Variants in MNAT1 observed in about 807,000 individuals in gnomAD.
MNAT1 encodes MNAT1 component of CDK activating kinase.
In MNAT1, 43 loss-of-function variants were observed where a neutral mutation model predicts 42.0. The observed-to-expected ratio is 1.02, with a 90% CI of 0.80 to 1.32. The LOEUF is 1.32. MNAT1 is among the 40% of genes most tolerant of loss of function. MNAT1 has a pLI of 0.00. For synonymous variants in MNAT1, 118 were observed against 120.0 expected, an observed-to-expected ratio of 0.98 and a Z score of 0.11; for missense variants, 306 against 350.4, an observed-to-expected ratio of 0.87 and a Z score of 1.01.
intron 7 of MNAT1, among the ~76,000 whole-genome samples, chr14:60,891,155 A>T (rs2034835056): frequency 6.6e-6 from 1 of 152,072 alleles, no homozygotes; most frequent in Non-Finnish European, 1.5e-5. Flanking sequence ...GATTTTAGTA[A>T]TTTAAGTCTT....
intron 6 of MNAT1, among the ~76,000 whole-genome samples, chr14:60,829,041 T>C (rs2033143695): frequency 6.6e-6 from 1 of 152,046 alleles, no homozygotes; most frequent in Non-Finnish European, 1.5e-5. Flanking sequence ...TTCTTTCCTA[T>C]AGCCAAGATT....
intron 1 of MNAT1, among the ~76,000 whole-genome samples, chr14:60,794,963 A>G (rs974351266): frequency 6.6e-6 from 1 of 151,980 alleles, no homozygotes; most frequent in African/African-American, 2.4e-5. Flanking sequence ...AGAGAACAAG[A>G]TAGGCAACAT....
At chr14:60,939,597 C>T (rs959264425) in intron 7 of MNAT1, among the ~76,000 whole-genome samples, 7 of 152,164 alleles carry the variant, frequency 4.6e-5, no homozygotes, top group Non-Finnish European at 7.3e-5. Context: ...GTCTGAGAGA[C>T]AGTTTGTTAT....
intron 7 of MNAT1, chr14:60,919,092 A>AT (rs1166664095): frequency 6.6e-6 from 1 of 151,742 alleles, no homozygotes; most frequent in Non-Finnish European, 1.5e-5. Flanking sequence ...TCTGCTCAGC[A>AT]TGTCAGCCAG....
intron 7 of MNAT1, among the ~76,000 whole-genome samples, chr14:60,954,599 T>C (rs559393405): frequency 6.4e-4 from 98 of 152,330 alleles, no homozygotes; most frequent in Non-Finnish European, 1.2e-3. Context: ...TTTTGCATGC[T>C]GAAGCTTTAC....
rs377454616 is a variant in MNAT1 at position 60,943,053 on chromosome 14, CTT to C, written c.810-25159_810-25158del. 7.2e-4 allele frequency among the ~76,000 whole-genome samples: 38 copies of C among 53,114 alleles called. 1 individual carries two copies. The East Asian group carries it at 0.01, about 14-fold the overall frequency. The allele number at this position is 53,114 out of a possible 152,430, so 34.8% of individuals were successfully genotyped here. ...GTGTGTGTGTGTGTGTGTGTGTGCG[CTT>C]TTTTTTTTTTTTTTTTGAGACGGAG... On this transcript the variant is annotated intron_variant, in intron 7 of 7. Transcript: ENST00000261245.
chr14:60,864,841 G>GT (rs2034170229), intron 6 of MNAT1, among the ~76,000 whole-genome samples: 1 of 151,878 alleles, frequency 6.6e-6, no homozygotes, highest in African/African-American at 2.4e-5. Context: ...GATGGTTAGA[G>GT]TATTCATAGT....
intron 1 of MNAT1, among the ~76,000 whole-genome samples, chr14:60,781,093 C>A (rs1382823369): frequency 6.6e-6 from 1 of 152,118 alleles, no homozygotes; most frequent in Non-Finnish European, 1.5e-5. Flanking sequence ...TCATTTCATG[C>A]ATAATTTTCC....
chr14:60,747,922 C>A (rs1173741392), intron 1 of MNAT1, among the ~76,000 whole-genome samples: 1 of 152,138 alleles, frequency 6.6e-6, no homozygotes, highest in Non-Finnish European at 1.5e-5. Context: ...TAAGGCCAGG[C>A]ATGGTGGCTC....
intron 7 of MNAT1, among the ~76,000 whole-genome samples, chr14:60,931,394 G>A (rs1414042887): frequency 6.6e-6 from 1 of 152,120 alleles, no homozygotes; most frequent in African/African-American, 2.4e-5. Flanking sequence ...CTGTGTCAGG[G>A]AAAGGCCAGG....
At chr14:60,914,134 A>G (rs1200755496) in intron 7 of MNAT1, among the ~76,000 whole-genome samples, 1 of 152,178 alleles carries the variant, frequency 6.6e-6, no homozygotes, top group East Asian at 1.9e-4. Flanking sequence ...CTGGTGCAGG[A>G]TATAATCTCC....
At chr14:60,827,597 A>G (rs973349274) in intron 6 of MNAT1, among the ~76,000 whole-genome samples, 3 of 152,212 alleles carry the variant, frequency 2.0e-5, no homozygotes, top group African/African-American at 7.2e-5. Flanking sequence ...TTGCCAAAGA[A>G]CAAAAAACAA....
intron 7 of MNAT1, among the ~76,000 whole-genome samples, chr14:60,939,482 GT>G (rs1449616044): frequency 1.1e-4 from 17 of 152,042 alleles, no homozygotes; most frequent in African/African-American, 4.1e-4. Context: ...CCTTGATTTC[GT>G]TATGTACCCA....
intron 1 of MNAT1, among the ~76,000 whole-genome samples, chr14:60,766,152 G>A (rs1247314168): frequency 1.3e-5 from 2 of 151,584 alleles, no homozygotes; most frequent in African/African-American, 2.4e-5. Flanking sequence ...GTTTGAGACC[G>A]GCTTGGCCAA....
At chr14:60,883,103 T>TTTTGCTTTAG (rs1312920083) in intron 7 of MNAT1, among the ~76,000 whole-genome samples, 1 of 152,126 alleles carries the variant, frequency 6.6e-6, no homozygotes, top group Non-Finnish European at 1.5e-5. Context: ...ACTTACCTAT[T>TTTTGCTTTAG]TTTGCTTTAG....
At chr14:60,807,870 G>T (rs2032422074) in intron 3 of MNAT1, among the ~76,000 whole-genome samples, 1 of 152,018 alleles carries the variant, frequency 6.6e-6, no homozygotes, top group Admixed American at 6.6e-5. Flanking sequence ...ACTCATGTTG[G>T]AGACAATTGG....
chr14:60,839,118 A>G (rs2033476102), intron 6 of MNAT1, among the ~76,000 whole-genome samples: 1 of 152,136 alleles, frequency 6.6e-6, no homozygotes, highest in Admixed American at 6.5e-5. Flanking sequence ...ATGAAATCCT[A>G]CATTCAAGCC....
Position 60,808,429 on chromosome 14 carries a change from G to T in MNAT1, c.420+1G>T. 1 of 1,498,474 alleles carries T rather than the reference G, an allele frequency of 6.7e-7. No homozygotes were observed. Among genetic ancestry groups the T allele is most frequent in the Non-Finnish European group, 9.1e-7 (1 of 1,103,886 alleles). 92.8% of individuals were successfully genotyped at this position (1,498,474 alleles called of 1,614,324 possible). On this transcript the variant is annotated splice_donor_variant, in intron 4 of 7. Transcript: ENST00000261245. LOFTEE classifies it high-confidence loss of function. Reference sequence around the variant, plus strand: ...TATTCAGAAAAATAAATTAAAGCTGGTCGGTTGCTAAGTATTTTCTTCTTA... The same window carrying T: ...TATTCAGAAAAATAAATTAAAGCTGTTCGGTTGCTAAGTATTTTCTTCTTA...
intron 6 of MNAT1, among the ~76,000 whole-genome samples, chr14:60,821,888 G>A (rs1359660542): frequency 6.6e-6 from 1 of 152,076 alleles, no homozygotes; most frequent in Non-Finnish European, 1.5e-5. Flanking sequence ...TAACTTCAGA[G>A]CATTTTGCTT....
Sources: gnomAD v4.1 joint callset for allele counts (sites outside exome capture counted in the v4.1 genomes callset) on GRCh38, gnomAD v4.1.1 for gene constraint, MANE v1.5 for transcripts, NCBI Gene and HGNC (gene_info 2026-07-23, HGNC 2026-07-21) for gene names.